RXRA: variants seen among roughly 807,000 people sequenced by gnomAD.
RXRA encodes retinoic acid receptor RXR-alpha.
A neutral mutation model predicts 44.5 loss-of-function variants in RXRA; 5 were observed. That is an observed-to-expected ratio of 0.11 (90% CI 0.06 to 0.24). RXRA has a LOEUF of 0.24. Among genes scored for constraint, RXRA ranks in the 10% least tolerant of loss-of-function variants. The pLI, the probability that RXRA is intolerant of heterozygous loss-of-function variation, is 1.00. For synonymous variants in RXRA, 291 were observed against 271.4 expected, an observed-to-expected ratio of 1.07 and a Z score of -0.71; for missense variants, 412 against 646.5, an observed-to-expected ratio of 0.64 and a Z score of 3.93.
chr9:134,393,533 A>G (rs1465774614), intron 1 of RXRA, among the ~76,000 whole-genome samples: 2 of 152,200 alleles, frequency 1.3e-5, no homozygotes, highest in African/African-American at 4.8e-5. Context: ...GTGGTGGGTG[A>G]TCATAGCAAC....
intron 1 of RXRA, among the ~76,000 whole-genome samples, chr9:134,348,367 A>G (rs1211729416): frequency 1.3e-5 from 2 of 152,168 alleles, no homozygotes; most frequent in African/African-American, 2.4e-5. Flanking sequence ...TGCAGCGGGC[A>G]TCGTGGTGCG....
chr9:134,420,716 C>A (rs901654414), intron 5 of RXRA, among the ~76,000 whole-genome samples: 1 of 152,218 alleles, frequency 6.6e-6, no homozygotes. Flanking sequence ...ATTCCTGCAG[C>A]GGCACCACTG....
At chr9:134,390,203 G>A (rs1175155506) in intron 1 of RXRA, among the ~76,000 whole-genome samples, 2 of 152,178 alleles carry the variant, frequency 1.3e-5, no homozygotes, top group African/African-American at 4.8e-5. Flanking sequence ...TAAGGGAAGG[G>A]GAGGGGGAGT....
At chr9:134,436,346 A>G (rs772227227) in intron 9 of RXRA, 121 bp from the exon 10 acceptor site, 6 of 994,774 alleles carry the variant, frequency 6.0e-6, no homozygotes, top group Admixed American at 4.4e-5. Flanking sequence ...ATTCAGGGCT[A>G]CAGACCAGCC....
chr9:134,341,966 G>T (rs897764240), intron 1 of RXRA, among the ~76,000 whole-genome samples: 123 of 152,298 alleles, frequency 8.1e-4, no homozygotes, highest in African/African-American at 2.9e-3. Context: ...CTTGCTGAGG[G>T]TCCGCTGTGC....
intron 1 of RXRA, among the ~76,000 whole-genome samples, chr9:134,341,146 C>A (rs546462439): frequency 6.6e-6 from 1 of 152,258 alleles, no homozygotes; most frequent in African/African-American, 2.4e-5. Context: ...CAGGCCCCGC[C>A]GTGGGTGGTG....
At chr9:134,353,593 C>T (rs1830247838) in intron 1 of RXRA, among the ~76,000 whole-genome samples, 1 of 152,218 alleles carries the variant, frequency 6.6e-6, no homozygotes, top group Non-Finnish European at 1.5e-5. Context: ...CCCTGTACCT[C>T]CAACACTGCT....
Position 134,421,749 on chromosome 9 carries a change from G to T in RXRA, c.854G>T (p.Arg285Leu). 1 of 1,602,700 alleles carries T rather than the reference G, an allele frequency of 6.2e-7. No individual in the cohort carries two copies. Among genetic ancestry groups the T allele is most frequent in the Non-Finnish European group, 8.5e-7 (1 of 1,171,308 alleles). The stretch of plus-strand genomic sequence containing the variant: ...TTCACCCTGGTGGAGTGGGCCAAGC[G>T]GATCCCACACTTCTCAGAGCTGCCC... ...QLFTLVEWAK[R>L]IPHFSELPLD... Residue 285 changes from arginine to leucine, a missense_variant, in exon 6 of 10, where the codon CGG becomes CTG. This residue lies in a region of RXRA where 141 missense variants were observed against 270.8 expected (regional missense o/e 0.52). Coordinates refer to ENST00000481739, the MANE Select transcript of RXRA (RefSeq NM_002957.6).
chr9:134,334,261 T>C (rs1588246901), intron 1 of RXRA, among the ~76,000 whole-genome samples: 1 of 152,252 alleles, frequency 6.6e-6, no homozygotes, highest in African/African-American at 2.4e-5. Context: ...CAGCACCCAG[T>C]ACAGGTATGC....
chr9:134,425,161 C>A (rs746035024), intron 6 of RXRA: 1 of 985,296 alleles, frequency 1.0e-6, no homozygotes, highest in Non-Finnish European at 1.2e-6. Flanking sequence ...GGCCACAGCC[C>A]TGCAGGGGCC....
chr9:134,394,433 T>C (rs2119128449), intron 1 of RXRA, among the ~76,000 whole-genome samples: 2 of 151,822 alleles, frequency 1.3e-5, no homozygotes, highest in South Asian at 2.1e-4. Context: ...GCCCTGGGAG[T>C]TTGAGGTCAG....
chr9:134,395,188 G>A (rs1379351574), intron 1 of RXRA, among the ~76,000 whole-genome samples: 1 of 152,228 alleles, frequency 6.6e-6, no homozygotes, highest in African/African-American at 2.4e-5. Context: ...CGGTCACTCC[G>A]AACTCCCACA....
chr9:134,387,316 G>A (rs571328667), intron 1 of RXRA, among the ~76,000 whole-genome samples: 1 of 152,270 alleles, frequency 6.6e-6, no homozygotes, highest in African/African-American at 2.4e-5. Context: ...TGCCTTCACA[G>A]ATGTCCCTAG....
chr9:134,382,268 G>GGTGT lies in RXRA; in HGVS notation c.29-19342_29-19339dup, dbSNP rs145989754. 4.6e-4 allele frequency among the ~76,000 whole-genome samples: 68 copies of GGTGT among 149,188 alleles called. No homozygotes were observed. The East Asian group carries it at 5.5e-3, about 12-fold the overall frequency. On this transcript the variant is annotated intron_variant, in intron 1 of 9. Coordinates refer to ENST00000481739, the MANE Select transcript of RXRA (RefSeq NM_002957.6). ...TGGGGAGGAAGGAAGAGGTTTGGGT[G>GGTGT]GTGTGTGTGTGTGTGTGTGTGTGTG...
chr9:134,431,794 A>T, intron 7 of RXRA, 111 bp from the exon 8 acceptor site: 2 of 765,888 alleles, frequency 2.6e-6, no homozygotes, highest in Non-Finnish European at 4.3e-6. Context: ...GGCCCATCTC[A>T]GCGGCCCTCG....
At chr9:134,369,324 G>GT (rs1477886406) in intron 1 of RXRA, among the ~76,000 whole-genome samples, 1 of 85,450 alleles carries the variant, frequency 1.2e-5, no homozygotes, top group Non-Finnish European at 2.3e-5. Flanking sequence ...GGTTGTGTGT[G>GT]TGGGGGGGGT....
chr9:134,332,669 C>T (rs552831459), intron 1 of RXRA, among the ~76,000 whole-genome samples: 7 of 152,224 alleles, frequency 4.6e-5, no homozygotes, highest in African/African-American at 1.7e-4. Flanking sequence ...GCCTGTGTGC[C>T]GGGCGTAGGT....
At chr9:134,356,591 A>G (rs968426129) in intron 1 of RXRA, among the ~76,000 whole-genome samples, 17 of 152,188 alleles carry the variant, frequency 1.1e-4, no homozygotes, top group African/African-American at 4.1e-4. Context: ...CCTTGCCCAG[A>G]AGTGTGTCTT....
chr9:134,427,589 C>T (rs1003425055), intron 6 of RXRA, among the ~76,000 whole-genome samples: 39 of 152,180 alleles, frequency 2.6e-4, no homozygotes, highest in African/African-American at 8.7e-4. Context: ...GGGGCGGCCT[C>T]GGGGGTGGGA....
Sources: allele counts gnomAD v4.1 joint callset (sites outside exome capture counted in the v4.1 genomes callset), GRCh38; gene constraint gnomAD v4.1.1; regional missense constraint gnomAD v4.1.1; transcripts MANE v1.5; gene names NCBI Gene and HGNC (gene_info 2026-07-23, HGNC 2026-07-21).